CRMP1: variants seen among roughly 807,000 people sequenced by gnomAD.
CRMP1 encodes the protein collapsin response mediator protein 1, also known as dihydropyrimidinase-related protein 1.
Under a neutral mutation model 68.3 loss-of-function variants are expected in CRMP1, and 19 were observed. The observed-to-expected ratio is 0.28, with a 90% CI of 0.19 to 0.41. The LOEUF (loss-of-function observed/expected upper bound fraction) is 0.41. CRMP1 is among the 10% of genes least tolerant of loss of function. The pLI is 1.00. For synonymous variants in CRMP1, 439 were observed against 399.6 expected (o/e 1.10, Z -1.18); for missense variants, 791 against 967.4 (o/e 0.82, Z 2.42).
rs369319606 is a variant in CRMP1, at chr4:5,870,442, G to C, written c.382-3686C>G. On this transcript the variant is annotated intron_variant, in intron 1 of 13. Coordinates refer to ENST00000324989, the MANE Select transcript of CRMP1 (RefSeq NM_001014809.3). This position sits in a 1 kb window ranked among gnomAD's most constrained non-coding sequence, Gnocchi z 6.0. ...GGGACGCATGACACAGGCGTTGGTG[G>C]GGACGGCACTGCCTGGAGTTTGCAC... Among the ~76,000 whole-genome samples, 1 of 152,226 alleles carries C rather than the reference G, an allele frequency of 6.6e-6. No individual in the cohort carries two copies. Among genetic ancestry groups the C allele is most frequent in the African/African-American group, 2.4e-5 (1 of 41,456 alleles).
At position 5,892,444 on chromosome 4, in the gene CRMP1, G is replaced by C. The variant is rs992671216; in HGVS notation, c.381+145C>G. 1.1e-5 allele frequency: 9 copies of C among 817,538 alleles called. No individual in the cohort carries two copies. The African/African-American group carries it at 1.5e-4, about 13-fold the overall frequency. 50.6% of individuals were successfully genotyped at this position (817,538 alleles called of 1,614,324 possible). On this transcript the variant is annotated intron_variant, in intron 1 of 13. Coordinates refer to ENST00000324989, the MANE Select transcript of CRMP1 (RefSeq NM_001014809.3). The surrounding 1 kb of genome is among the most constrained non-coding windows in gnomAD (Gnocchi z 8.6). ...CTGGGAACCTCTTGCATGATGAGGT[G>C]GGGGAGGGGCCGCGCCGTGGCTCTC...
intron 1 of CRMP1, among the ~76,000 whole-genome samples, chr4:5,885,515 C>A (rs946512005): frequency 1.3e-5 from 2 of 152,212 alleles, no homozygotes; most frequent in Non-Finnish European, 2.9e-5. Flanking sequence ...AACTGTGCAG[C>A]GGTTGCCCTG....
intron 8 of CRMP1, 93 bp from the exon 9 acceptor site, chr4:5,839,771 C>A: frequency 7.2e-7 from 1 of 1,395,774 alleles, no homozygotes. Context: ...GGAGGGAGAA[C>A]GGGGCTGGCT....
chr4:5,849,018 T>C (rs547126653), intron 6 of CRMP1, among the ~76,000 whole-genome samples: 2 of 152,264 alleles, frequency 1.3e-5, no homozygotes, highest in South Asian at 2.1e-4. Context: ...ATCCACACAA[T>C]AACACTGCCA....
rs938794488 is a variant in CRMP1 at position 5,889,953 on chromosome 4, G to A, written c.381+2636C>T. The stretch of plus-strand genomic sequence containing the variant: ...CAGACAGGAAATTGAGGCTTACAGA[G>A]GTAAAATGATGTACCCCGGGTGCAA... On this transcript the variant is annotated intron_variant, in intron 1 of 13. Transcript: ENST00000324989. The surrounding 1 kb of genome is among the most constrained non-coding windows in gnomAD (Gnocchi z 4.5). 21 of 1,322,604 alleles carry A rather than the reference G, an allele frequency of 1.6e-5. No homozygotes were observed. Among genetic ancestry groups the A allele is most frequent in the Non-Finnish European group, 1.9e-5 (20 of 1,030,110 alleles). 81.9% of individuals were successfully genotyped at this position (1,322,604 alleles called of 1,614,324 possible).
rs1715922023 is a variant in CRMP1, at chr4:5,891,157, C to CCCA, written c.381+1429_381+1431dup. ...TCGCACCATCTCCCTTTCTGATCAC[C>CCCA]CCACCACCACACACACATACACACA... On this transcript the variant is annotated intron_variant, in intron 1 of 13. Coordinates refer to ENST00000324989, the MANE Select transcript of CRMP1 (RefSeq NM_001014809.3). This position sits in a 1 kb window ranked among gnomAD's most constrained non-coding sequence, Gnocchi z 5.2. Among the ~76,000 whole-genome samples the CCCA allele has an allele frequency of 6.9e-6, 1 of 145,284 alleles. No homozygotes were observed. Among genetic ancestry groups the CCCA allele is most frequent in the Admixed American group, 7.1e-5 (1 of 14,016 alleles).
At chr4:5,851,273 A>G in intron 5 of CRMP1, 135 bp downstream of exon 5, 1 of 795,744 alleles carries the variant, frequency 1.3e-6, no homozygotes, top group Non-Finnish European at 2.2e-6. Flanking sequence ...CGTATCACAC[A>G]GCCATTCCAT....
rs1181919346 is a variant in CRMP1 at position 5,866,205 on chromosome 4, G to T, written c.470+463C>A. Among the ~76,000 whole-genome samples, 1 of 152,178 alleles carries T rather than the reference G, an allele frequency of 6.6e-6. No homozygotes were observed. The highest frequency in any genetic ancestry group is 1.5e-5 in the Non-Finnish European group (1 of 68,026). On this transcript the variant is annotated intron_variant, in intron 2 of 13. Transcript: ENST00000324989. This position sits in a 1 kb window ranked among gnomAD's most constrained non-coding sequence, Gnocchi z 5.9. ...TTAAGTGCCAAGGCTGGGCTTGGAA[G>T]CCACACATTCCTCCTTCCTCTCTGC...
rs746044674 is a variant in CRMP1, at chr4:5,843,404, G to A, written c.964-243C>T. 2.2e-4 allele frequency among the ~76,000 whole-genome samples: 34 copies of A among 151,936 alleles called. No homozygotes were observed. Among genetic ancestry groups the A allele is most frequent in the Non-Finnish European group, 1.5e-4 (10 of 68,002 alleles). ...GCACCTGCTTTATATTGAATCTCCC[G>A]GGATCAATGAGAGGAAGCAGGGTTA... On this transcript the variant is annotated intron_variant, in intron 6 of 13. Transcript: ENST00000324989. The surrounding 1 kb of genome is among the most constrained non-coding windows in gnomAD (Gnocchi z 4.1).
rs762384169 is a variant in CRMP1 at position 5,856,268 on chromosome 4, G to T, written c.695C>A (p.Thr232Asn). 1.2e-6 allele frequency: 2 copies of T among 1,613,738 alleles called. No homozygotes were observed. The highest frequency in any genetic ancestry group is 2.2e-5 in the South Asian group (2 of 91,060). Residue 232 changes from threonine (T) to asparagine (N), a missense_variant, in exon 4 of 14, where the codon ACC (threonine) becomes AAC (asparagine). Physicochemically the swap from Thr to Asn is moderately conservative, Grantham distance 65. This residue lies in a region of CRMP1 where 594 missense variants were observed against 763.6 expected (regional missense o/e 0.78). Transcript: ENST00000324989. ...VVPEPGSSLLTSFEKWHEAAD... is the reference protein window; with the variant it reads ...VVPEPGSSLLNSFEKWHEAAD... ...TGCTTCGTGCCACTTCTCGAAAGAGGTCAGTAGGCTGGACCCAGGTTCAGG... is the reference window on the plus strand; with the variant it reads ...TGCTTCGTGCCACTTCTCGAAAGAGTTCAGTAGGCTGGACCCAGGTTCAGG...
chr4:5,825,700 C>T lies in CRMP1; in HGVS notation c.1804-41G>A. 2 of 1,597,882 alleles carry T rather than the reference C, an allele frequency of 1.3e-6. No individual in the cohort carries two copies. The highest frequency in any genetic ancestry group is 2.3e-5 in the South Asian group (2 of 88,672). ...GAGAGTGTGATTGATCGACACTGTG[C>T]ATGTGTGCCCTTCTGGGCAGATAAA... On this transcript the variant is annotated intron_variant, in intron 12 of 13. Coordinates refer to ENST00000324989, the MANE Select transcript of CRMP1 (RefSeq NM_001014809.3). The surrounding 1 kb of genome is among the most constrained non-coding windows in gnomAD (Gnocchi z 4.4).
chr4:5,825,127 C>A lies in CRMP1; in HGVS notation c.1969+367G>T. On this transcript the variant is annotated intron_variant, in intron 13 of 13. Transcript: ENST00000324989. The surrounding 1 kb of genome is among the most constrained non-coding windows in gnomAD (Gnocchi z 4.4). ...TAAAGACTTACACAGAGCACATGCC[C>A]TGCAAATGGCAGCTACTCCCATCTC... 1 of 985,456 alleles carries A rather than the reference C, an allele frequency of 1.0e-6. No homozygotes were observed. Among genetic ancestry groups the A allele is most frequent in the Non-Finnish European group, 1.2e-6 (1 of 829,936 alleles). 61.0% of individuals were successfully genotyped at this position (985,456 alleles called of 1,614,324 possible). A position where few individuals can be genotyped will look rare whatever the true frequency, so the allele number is the denominator to read the frequency against.
intron 6 of CRMP1, among the ~76,000 whole-genome samples, chr4:5,845,026 G>C (rs1175184820): frequency 6.6e-6 from 1 of 152,224 alleles, no homozygotes; most frequent in Non-Finnish European, 1.5e-5. Context: ...CGATGAAATA[G>C]AAAAAGCTAG....
At chr4:5,846,203 C>T (rs1252704148) in intron 6 of CRMP1, among the ~76,000 whole-genome samples, 1 of 152,066 alleles carries the variant, frequency 6.6e-6, no homozygotes, top group Non-Finnish European at 1.5e-5. Context: ...GGCTGAGGCA[C>T]AAGAATCACT....
In CRMP1 at chr4:5,843,466, G is replaced by C. The variant is rs11733837; in HGVS notation, c.964-305C>G. On this transcript the variant is annotated intron_variant, in intron 6 of 13. Coordinates refer to ENST00000324989, the MANE Select transcript of CRMP1 (RefSeq NM_001014809.3). The surrounding 1 kb of genome is among the most constrained non-coding windows in gnomAD (Gnocchi z 4.1). Reference sequence around the variant, plus strand: ...CTTCCAAGGCCACCCACCACTCTCTGAATCTCGGAGTCTCCCTGCAGGCCT... The same window carrying C: ...CTTCCAAGGCCACCCACCACTCTCTCAATCTCGGAGTCTCCCTGCAGGCCT... 0.49 allele frequency among the ~76,000 whole-genome samples: 73,657 copies of C among 151,704 alleles called. 18,844 individuals carry two copies. The highest frequency in any genetic ancestry group is 0.66 in the African/African-American group (27,270 of 41,356).
intron 6 of CRMP1, among the ~76,000 whole-genome samples, chr4:5,844,764 G>T (rs1712056695): frequency 6.6e-6 from 1 of 152,208 alleles, no homozygotes; most frequent in Non-Finnish European, 1.5e-5. Flanking sequence ...GTGCAGGGGT[G>T]CGTGCACGCT....
intron 1 of CRMP1, among the ~76,000 whole-genome samples, chr4:5,885,009 GA>G: frequency 6.6e-6 from 1 of 150,696 alleles, no homozygotes; most frequent in African/African-American, 2.4e-5. Context: ...AGACACGCAT[GA>G]AAGAGAGCTT....
At position 5,842,358 on chromosome 4, in the gene CRMP1, A is replaced by G. The variant is rs1711805659; in HGVS notation, c.1032+735T>C. 6.7e-6 allele frequency among the ~76,000 whole-genome samples: 1 copy of G among 150,346 alleles called. No homozygotes were observed. Among genetic ancestry groups the G allele is most frequent in the South Asian group, 2.1e-4 (1 of 4,680 alleles). ...GCAGGAGAGTCACTTGAACCCAGGA[A>G]GCGGAGGCTGCAGTGAACCGAGATC... On this transcript the variant is annotated intron_variant, in intron 7 of 13. Transcript: ENST00000324989. This position sits in a 1 kb window ranked among gnomAD's most constrained non-coding sequence, Gnocchi z 4.5.
At position 5,854,080 on chromosome 4, in the gene CRMP1, C is replaced by G. The variant is rs2152464630; in HGVS notation, c.820+2063G>C. Among the ~76,000 whole-genome samples, 1 of 152,362 alleles carries G rather than the reference C, an allele frequency of 6.6e-6. No individual in the cohort carries two copies. The highest frequency in any genetic ancestry group is 1.5e-5 in the Non-Finnish European group (1 of 68,034). On this transcript the variant is annotated intron_variant, in intron 4 of 13. Coordinates refer to ENST00000324989, the MANE Select transcript of CRMP1 (RefSeq NM_001014809.3). This position sits in a 1 kb window ranked among gnomAD's most constrained non-coding sequence, Gnocchi z 4.0. ...ACTGCCACTCCAGAGACCCTCCCATCTCAGTGAGGGGCGTCCTAAACGACC... is the reference window on the plus strand; with the variant it reads ...ACTGCCACTCCAGAGACCCTCCCATGTCAGTGAGGGGCGTCCTAAACGACC...
Sources: allele counts gnomAD v4.1 joint callset (sites outside exome capture counted in the v4.1 genomes callset), GRCh38; gene constraint gnomAD v4.1.1; regional missense constraint gnomAD v4.1.1; non-coding constraint Gnocchi (gnomAD v3.1); transcripts MANE v1.5; gene names NCBI Gene and HGNC (gene_info 2026-07-23, HGNC 2026-07-21).